Variants in ZNF841 observed in about 807,000 individuals in gnomAD.
The protein encoded by ZNF841 is TCONS_00006091.
In ZNF841, 11 loss-of-function variants were observed where a neutral mutation model predicts 13.0. The observed-to-expected ratio is 0.85, with a 90% CI of 0.53 to 1.40. ZNF841 has a LOEUF of 1.40. Ranked by LOEUF, ZNF841 falls within the 40% of genes most tolerant of loss-of-function variation. ZNF841 has a pLI of 0.00. For synonymous variants in ZNF841, 369 were observed against 381.6 expected, an observed-to-expected ratio of 0.97 and a Z score of 0.38; for missense variants, 1,068 against 1,139.5, an observed-to-expected ratio of 0.94 and a Z score of 0.90.
At chr19:52,090,059 G>T (rs183044362) in intron 2 of ZNF841, among the ~76,000 whole-genome samples, 8 of 152,304 alleles carry the variant, frequency 5.3e-5, no homozygotes, top group Non-Finnish European at 2.9e-5. Context: ...TTTAAAGGCA[G>T]CTGGGCATTG....
At chr19:52,095,401 G>T (rs748507103) in intron 1 of ZNF841, among the ~76,000 whole-genome samples, 174 bp downstream of exon 1, 1 of 152,120 alleles carries the variant, frequency 6.6e-6, no homozygotes, top group Non-Finnish European at 1.5e-5. Context: ...CGCGAAGGGC[G>T]CTAGTCCACA....
downstream of ZNF841, among the ~76,000 whole-genome samples, chr19:52,064,148 T>C (rs2087453676): frequency 6.6e-6 from 1 of 151,312 alleles, no homozygotes; most frequent in African/African-American, 2.4e-5. Context: ...ATCGAGACCA[T>C]CCTGGCTAAC....
At chr19:52,064,382 A>AAAAC (rs2087470166), downstream of ZNF841, 2 of 141,276 alleles carry the variant, frequency 1.4e-5, no homozygotes. Flanking sequence ...AAAAAAAAAA[A>AAAAC]AAAAAAACTT....
intron 6 of ZNF841, among the ~76,000 whole-genome samples, chr19:52,070,469 A>G (rs970015478): frequency 6.6e-6 from 1 of 152,228 alleles, no homozygotes; most frequent in Non-Finnish European, 1.5e-5. Context: ...TGCGCAGTCC[A>G]GAGTAGGCTT....
At chr19:52,061,180 A>T (rs913948736), downstream of ZNF841, among the ~76,000 whole-genome samples, 2 of 152,048 alleles carry the variant, frequency 1.3e-5, no homozygotes, top group Admixed American at 6.6e-5. Context: ...TCTTTTCCAA[A>T]CCACTATGGG....
intron 2 of ZNF841, among the ~76,000 whole-genome samples, chr19:52,090,421 T>G (rs1329036541): frequency 1.3e-5 from 2 of 151,806 alleles, no homozygotes; most frequent in African/African-American, 4.8e-5. Context: ...TAGCCAGGTA[T>G]GGTGGTGCAT....
At position 52,065,103 on chromosome 19, in the gene ZNF841, T is replaced by G; in HGVS notation, c.*4A>C. 1 of 1,502,128 alleles carries G rather than the reference T, an allele frequency of 6.7e-7. No homozygotes were observed. Among genetic ancestry groups the G allele is most frequent in the East Asian group, 2.3e-5 (1 of 43,506 alleles). The allele number at this position is 1,502,128 out of a possible 1,614,324, so 93.0% of individuals were successfully genotyped here. ...AATATACAAGCTATATGAGTAAGTA[T>G]AAATTATTTGGGGATCCCAGAGGTT... On this transcript the variant is annotated 3_prime_UTR_variant, in exon 7 of 7. Transcript: ENST00000594440.
intron 4 of ZNF841, 104 bp downstream of exon 4, chr19:52,084,683 T>C: frequency 7.7e-7 from 1 of 1,302,504 alleles, no homozygotes; most frequent in Non-Finnish European, 1.1e-6. Flanking sequence ...TGCGAGCAAA[T>C]GTGTCAGGCA....
At position 52,065,395 on chromosome 19, in the gene ZNF841, A is replaced by G. The variant is rs755947736; in HGVS notation, c.2487T>C (p.Ala829=). ...KPYKCNECGK[A]FIERSNLVYH... ...AAACCAAGTTTGACCTTTCGATAAA[A>G]GCTTTACCACATTCATTACATTTAT... The change falls in exon 7 of 7, where the codon GCT becomes GCC. Residue 829 remains alanine (A), a synonymous_variant. Coordinates refer to ENST00000594440, the MANE Select transcript of ZNF841 (RefSeq NM_001136499.2). 1 of 1,610,380 alleles carries G rather than the reference A, an allele frequency of 6.2e-7. No homozygotes were observed. Among genetic ancestry groups the G allele is most frequent in the Non-Finnish European group, 8.5e-7 (1 of 1,177,964 alleles).
At chr19:52,084,381 T>C (rs968477071) in intron 4 of ZNF841, among the ~76,000 whole-genome samples, 4 of 152,174 alleles carry the variant, frequency 2.6e-5, no homozygotes, top group Non-Finnish European at 5.9e-5. Context: ...AGAGGCATCT[T>C]TTCAAGAATT....
Position 52,067,483 on chromosome 19 carries a change from T to C in ZNF841, c.399A>G (p.Glu133=), listed in dbSNP as rs1358235068. The change falls in exon 7 of 7, where the codon GAA becomes GAG. Residue 133 remains glutamate (E), a synonymous_variant. Coordinates refer to ENST00000594440, the MANE Select transcript of ZNF841 (RefSeq NM_001136499.2). ...CAACTTCCTGTAGATTTTTCCGGAT[T>C]TCCCTGAAGTAAAAATTTTCAGTGT... ...SYDTENFYFR[E]IRKNLQEVDF... 1 of 1,566,376 alleles carries C rather than the reference T, an allele frequency of 6.4e-7. No individual in the cohort carries two copies. Among genetic ancestry groups the C allele is most frequent in the Non-Finnish European group, 8.7e-7 (1 of 1,153,920 alleles).
intron 6 of ZNF841, among the ~76,000 whole-genome samples, chr19:52,072,442 A>G (rs1024268574): frequency 6.6e-6 from 1 of 152,258 alleles, no homozygotes; most frequent in Non-Finnish European, 1.5e-5. Context: ...AAAATTTTAA[A>G]CTTTTTAAAG....
chr19:52,060,660 A>G (rs759577589), downstream of ZNF841, among the ~76,000 whole-genome samples: 2 of 152,302 alleles, frequency 1.3e-5, no homozygotes, highest in Non-Finnish European at 2.9e-5. Context: ...AGGAGTGAAC[A>G]GGGATGGCTG....
intron 4 of ZNF841, among the ~76,000 whole-genome samples, chr19:52,078,955 T>C (rs2088001402): frequency 6.6e-6 from 1 of 152,144 alleles, no homozygotes; most frequent in Non-Finnish European, 1.5e-5. Context: ...CAATGACATA[T>C]TTTTTGGATG....
chr19:52,074,599 C>T (rs921263412), intron 6 of ZNF841, among the ~76,000 whole-genome samples: 3 of 152,210 alleles, frequency 2.0e-5, no homozygotes, highest in Non-Finnish European at 4.4e-5. Context: ...TCACTACAAC[C>T]TCCGCCTCCC....
the ZNF841 span, among the ~76,000 whole-genome samples, chr19:52,059,390 T>TATATATATATATACACAC: frequency 1.0e-5 from 1 of 96,360 alleles, no homozygotes; most frequent in East Asian, 3.7e-4. Context: ...TATATATATA[T>TATATATATATATACACAC]ACACACACAC....
At chr19:52,091,154 C>T (rs1237521999) in intron 2 of ZNF841, among the ~76,000 whole-genome samples, 1 of 152,076 alleles carries the variant, frequency 6.6e-6, no homozygotes, top group Non-Finnish European at 1.5e-5. Flanking sequence ...AGTCCACAGG[C>T]ATTGGGGCTG....
At chr19:52,089,644 GA>G (rs2088405050) in intron 2 of ZNF841, among the ~76,000 whole-genome samples, 1 of 151,132 alleles carries the variant, frequency 6.6e-6, no homozygotes, top group Non-Finnish European at 1.5e-5. Flanking sequence ...AAAAAATAAA[GA>G]AACTGTGGCA....
chr19:52,079,016 A>G (rs1290049016), intron 4 of ZNF841, among the ~76,000 whole-genome samples: 2 of 152,080 alleles, frequency 1.3e-5, no homozygotes, highest in African/African-American at 4.8e-5. Context: ...TGCTTGGGAC[A>G]ATGAAAATGT....
Sources: allele counts gnomAD v4.1 joint callset (sites outside exome capture counted in the v4.1 genomes callset), GRCh38; gene constraint gnomAD v4.1.1; transcripts MANE v1.5; gene names NCBI Gene and HGNC (gene_info 2026-07-23, HGNC 2026-07-21).